SOX6: variants seen among roughly 807,000 people sequenced by gnomAD.
SOX6 encodes the protein SRY-box transcription factor 6, also known as transcription factor SOX-6.
Under a neutral mutation model 97.8 loss-of-function variants are expected in SOX6, and 11 were observed. That is an observed-to-expected ratio of 0.11 (90% CI 0.07 to 0.19). The LOEUF is 0.19. Ranked by LOEUF, SOX6 falls within the 10% of genes least tolerant of loss-of-function variation. SOX6 has a pLI of 1.00. For synonymous variants in SOX6, 360 were observed against 371.4 expected (o/e 0.97, Z 0.35); for missense variants, 810 against 1,039.5 (o/e 0.78, Z 3.04).
chr11:16,445,248 A>C (rs1282691912), intron 1 of SOX6, among the ~76,000 whole-genome samples: 1 of 152,224 alleles, frequency 6.6e-6, no homozygotes, highest in Non-Finnish European at 1.5e-5. Flanking sequence ...AGACTCAATA[A>C]GTCAGGAAAC....
intron 1 of SOX6, among the ~76,000 whole-genome samples, chr11:16,347,682 T>TC (rs1290739990): frequency 6.6e-6 from 1 of 152,068 alleles, no homozygotes; most frequent in Non-Finnish European, 1.5e-5. Flanking sequence ...GGATATCTTA[T>TC]CCAATTATAT....
At chr11:16,350,045 G>T (rs1199890742) in intron 1 of SOX6, among the ~76,000 whole-genome samples, 1 of 152,136 alleles carries the variant, frequency 6.6e-6, no homozygotes, top group African/African-American at 2.4e-5. Context: ...AAAAAAGGGG[G>T]AGGCACTGAC....
At chr11:16,568,440 T>C (rs2133197191) in intron 4 of SOX6, among the ~76,000 whole-genome samples, 1 of 152,192 alleles carries the variant, frequency 6.6e-6, no homozygotes, top group African/African-American at 2.4e-5. Flanking sequence ...AAGGGAGGAA[T>C]GAGGATTAAC....
chr11:16,156,542 T>G (rs559294448), intron 6 of SOX6, among the ~76,000 whole-genome samples: 2 of 151,988 alleles, frequency 1.3e-5, no homozygotes, highest in Non-Finnish European at 2.9e-5. Context: ...TAATTCAGCA[T>G]GTCAAAAATA....
At chr11:16,147,654 C>T (rs763835758) in intron 6 of SOX6, among the ~76,000 whole-genome samples, 18 of 152,214 alleles carry the variant, frequency 1.2e-4, no homozygotes, top group Middle Eastern at 3.4e-3. Flanking sequence ...AATCCTTTCT[C>T]CCCAAATGCA....
intron 7 of SOX6, among the ~76,000 whole-genome samples, chr11:16,100,738 T>C (rs965171228): frequency 1.3e-5 from 2 of 150,308 alleles, no homozygotes; most frequent in African/African-American, 2.4e-5. Flanking sequence ...ATAATTCAGA[T>C]ATAAAGTCTA....
intron 7 of SOX6, among the ~76,000 whole-genome samples, chr11:16,104,357 A>G (rs1253544129): frequency 6.6e-6 from 1 of 152,014 alleles, no homozygotes; most frequent in African/African-American, 2.4e-5. Flanking sequence ...ATTCACTGAG[A>G]AAAGGTCAGA....
intron 4 of SOX6, 91 bp from the exon 5 acceptor site, chr11:16,187,046 T>A (rs1851498600): frequency 1.4e-6 from 2 of 1,383,492 alleles, no homozygotes; most frequent in Non-Finnish European, 2.0e-6. Context: ...GGGACTATCC[T>A]AAGACATTTA....
chr11:16,158,438 C>A (rs373386866), intron 6 of SOX6, among the ~76,000 whole-genome samples: 1 of 151,996 alleles, frequency 6.6e-6, no homozygotes, highest in Admixed American at 6.6e-5. Flanking sequence ...TAATAGATTT[C>A]TTTTCCCACA....
intron 1 of SOX6, among the ~76,000 whole-genome samples, chr11:16,467,283 C>G (rs117561399): frequency 0.011 from 1,660 of 152,216 alleles, 30 homozygotes; most frequent in East Asian, 0.051. Context: ...AATCCCATTA[C>G]TGGGTATGTA....
At chr11:16,131,382 A>C (rs1396993749) in intron 6 of SOX6, among the ~76,000 whole-genome samples, 1 of 151,952 alleles carries the variant, frequency 6.6e-6, no homozygotes, top group Non-Finnish European at 1.5e-5. Flanking sequence ...CCAAGAAATG[A>C]AAATCAAAAC....
At chr11:16,347,587 A>G (rs1362109592) in intron 1 of SOX6, among the ~76,000 whole-genome samples, 1 of 152,114 alleles carries the variant, frequency 6.6e-6, no homozygotes, top group Non-Finnish European at 1.5e-5. Flanking sequence ...TTCATATAAA[A>G]TGAGAACTAC....
intron 15 of SOX6, among the ~76,000 whole-genome samples, chr11:15,984,384 T>C (rs1401186282): frequency 6.6e-6 from 1 of 152,148 alleles, no homozygotes; most frequent in Non-Finnish European, 1.5e-5. Flanking sequence ...AGCCCCACTA[T>C]GTATCACTAC....
chr11:16,263,611 T>C (rs888131055), intron 3 of SOX6, among the ~76,000 whole-genome samples: 1 of 151,964 alleles, frequency 6.6e-6, no homozygotes, highest in African/African-American at 2.4e-5. Flanking sequence ...TTCCAGTAAT[T>C]GCAGAATATC....
chr11:16,641,328 A>T (rs1211677810), intron 3 of SOX6, among the ~76,000 whole-genome samples: 1 of 152,150 alleles, frequency 6.6e-6, no homozygotes, highest in East Asian at 1.9e-4. Context: ...TTTACTTCCA[A>T]CTATGTGGTC....
At chr11:16,643,675 C>A (rs1245209971) in intron 3 of SOX6, among the ~76,000 whole-genome samples, 1 of 152,122 alleles carries the variant, frequency 6.6e-6, no homozygotes, top group African/African-American at 2.4e-5. Context: ...GCTGTGCTAG[C>A]AATGAGTGAG....
chr11:16,227,007 A>G (rs546184837), intron 4 of SOX6, among the ~76,000 whole-genome samples: 1 of 152,270 alleles, frequency 6.6e-6, no homozygotes, highest in East Asian at 1.9e-4. Context: ...TTCAAACCCT[A>G]CTTTCACAAC....
At chr11:16,270,672 A>G (rs1854228789) in intron 3 of SOX6, among the ~76,000 whole-genome samples, 1 of 81,020 alleles carries the variant, frequency 1.2e-5, no homozygotes, top group Non-Finnish European at 2.8e-5. Context: ...CACACACAGG[A>G]ATATTATTCA....
intron 5 of SOX6, among the ~76,000 whole-genome samples, chr11:16,184,342 T>C (rs1276995665): frequency 6.6e-6 from 1 of 152,116 alleles, no homozygotes; most frequent in Non-Finnish European, 1.5e-5. Context: ...AGGAAAAATC[T>C]TCGTATTATT....
Sources: gnomAD v4.1 joint callset for allele counts (sites outside exome capture counted in the v4.1 genomes callset) on GRCh38, gnomAD v4.1.1 for gene constraint, MANE v1.5 for transcripts, NCBI Gene and HGNC (gene_info 2026-07-23, HGNC 2026-07-21) for gene names.